The following SPATA1 variants were observed in gnomAD, a reference collection of about 807,000 sequenced individuals.
SPATA1 encodes the protein spermatogenesis-associated protein 1.
SPATA1 carries 57 observed loss-of-function variants against 59.6 expected under a neutral mutation model. The observed-to-expected ratio is 0.96, with a 90% confidence interval of 0.77 to 1.19. The LOEUF is 1.19. SPATA1 is among the 50% of genes most tolerant of loss of function. The pLI is 0.00. For missense variants in SPATA1, 448 were observed against 480.7 expected, an observed-to-expected ratio of 0.93 and a Z score of 0.64; for synonymous variants, 147 against 163.9, an observed-to-expected ratio of 0.90 and a Z score of 0.79.
intron 1 of SPATA1, among the ~76,000 whole-genome samples, chr1:84,511,999 A>G (rs1036077021): frequency 6.6e-6 from 1 of 152,094 alleles, no homozygotes; most frequent in African/African-American, 2.4e-5. Flanking sequence ...AGGCATTTTA[A>G]TCTGTTTACC....
chr1:84,558,414 C>G (rs553396759), downstream of SPATA1, among the ~76,000 whole-genome samples: 27 of 150,400 alleles, frequency 1.8e-4, no homozygotes, highest in Admixed American at 1.4e-3. Flanking sequence ...CTCAGCCTCC[C>G]AAGTAGCTGG....
exon 1 of SPATA1, chr1:84,506,418 G>A (rs1682243591): frequency 5.1e-6 from 1 of 197,498 alleles, no homozygotes; most frequent in South Asian, 1.1e-4. Flanking sequence ...ATTAGGGAGA[G>A]GTAAGGAGAG....
intron 1 of SPATA1, among the ~76,000 whole-genome samples, chr1:84,511,383 T>A (rs1682537771): frequency 6.6e-6 from 1 of 152,102 alleles, no homozygotes; most frequent in Non-Finnish European, 1.5e-5. Context: ...TGGGAGACCC[T>A]CCCCCTCCCT....
intron 2 of SPATA1, among the ~76,000 whole-genome samples, chr1:84,518,162 A>G (rs1682873206): frequency 6.6e-6 from 1 of 152,164 alleles, no homozygotes; most frequent in Non-Finnish European, 1.5e-5. Flanking sequence ...ATGCCATGTT[A>G]AAAATAAAAA....
intron 12 of SPATA1, chr1:84,551,474 C>T (rs1188632396): frequency 1.1e-5 from 2 of 186,438 alleles, no homozygotes; most frequent in Non-Finnish European, 2.0e-5. Flanking sequence ...TTGGTACCCA[C>T]TAGCCACCTA....
intron 1 of SPATA1, among the ~76,000 whole-genome samples, chr1:84,514,372 G>T (rs1682706102): frequency 6.6e-6 from 1 of 152,132 alleles, no homozygotes; most frequent in Admixed American, 6.5e-5. Context: ...ACTATAGGTT[G>T]AGTATTCCTT....
At chr1:84,536,469 A>C (rs1683686152) in intron 8 of SPATA1, among the ~76,000 whole-genome samples, 1 of 152,222 alleles carries the variant, frequency 6.6e-6, no homozygotes, top group African/African-American at 2.4e-5. Context: ...TTTGAGACGG[A>C]GTCTCGCTCT....
chr1:84,559,954 G>A (rs1356489226), intron 4 of SPATA1, among the ~76,000 whole-genome samples: 11 of 151,360 alleles, frequency 7.3e-5, no homozygotes, highest in African/African-American at 1.7e-4. Context: ...GCATAGTGGC[G>A]GGCACCTGTA....
Position 84,514,737 on chromosome 1 carries a change from G to A in SPATA1, c.-137-1486G>A, listed in dbSNP as rs576050839. 5.9e-5 allele frequency among the ~76,000 whole-genome samples: 9 copies of A among 152,258 alleles called. No homozygotes were observed. In the South Asian group the frequency reaches 1.0e-3, roughly 18 times the overall value. On this transcript the variant is annotated intron_variant, in intron 1 of 12. Coordinates refer to ENST00000490879, the Ensembl canonical transcript of SPATA1. ...TGTAATCCCAGCACTTTGGGAGGCC[G>A]AGACGGGCGAATCACTTGAGGTCAG... is the stretch of plus-strand genomic sequence containing the variant.
At chr1:84,507,063 G>A (rs1327411687) in intron 1 of SPATA1, 1 of 152,112 alleles carries the variant, frequency 6.6e-6, no homozygotes, top group Non-Finnish European at 1.5e-5. Context: ...AGTACCAAAG[G>A]AGTTTTTAGG....
chr1:84,563,704 TA>T, intron 4 of SPATA1: 1 of 1,333,952 alleles, frequency 7.5e-7, no homozygotes, highest in Non-Finnish European at 1.0e-6. Flanking sequence ...TAATAGATAA[TA>T]AAAATTATGT....
chr1:84,533,792 A>G (rs1439605126), intron 8 of SPATA1, 26 bp downstream of exon 8: 1 of 1,402,062 alleles, frequency 7.1e-7, no homozygotes, highest in Non-Finnish European at 9.8e-7. Flanking sequence ...TTTTGTTTAA[A>G]CATGGTATTG....
intron 2 of SPATA1, among the ~76,000 whole-genome samples, chr1:84,518,221 G>C (rs561732719): frequency 1.6e-4 from 24 of 152,122 alleles, no homozygotes; most frequent in African/African-American, 2.4e-4. Context: ...TTTAAAAAAC[G>C]TAACAACCAA....
intron 11 of SPATA1, chr1:84,549,611 T>G (rs1684210650): frequency 6.6e-6 from 1 of 152,058 alleles, no homozygotes; most frequent in African/African-American, 2.4e-5. Flanking sequence ...CAGCCTTGAA[T>G]CAGAGACATG....
intron 1 of SPATA1, among the ~76,000 whole-genome samples, chr1:84,511,184 T>C (rs143112177): frequency 0.011 from 1,688 of 152,342 alleles, 11 homozygotes; most frequent in Non-Finnish European, 0.017. Context: ...CAATAAATGC[T>C]TGAGGTCATG....
intron 6 of SPATA1, among the ~76,000 whole-genome samples, chr1:84,530,038 A>G (rs1683407152): frequency 6.6e-6 from 1 of 151,850 alleles, no homozygotes; most frequent in Non-Finnish European, 1.5e-5. Context: ...TTTGTGTTTT[A>G]GTAGAGACGG....
At position 84,553,088 on chromosome 1, in the gene SPATA1, GAA is replaced by G. The variant is rs759280571; in HGVS notation, c.1287_1288del (p.Lys429AsnfsTer14). 5.7e-6 allele frequency: 8 copies of G among 1,397,402 alleles called. No homozygotes were observed. Among genetic ancestry groups the G allele is most frequent in the Admixed American group, 5.2e-5 (2 of 38,782 alleles). The allele number at this position is 1,397,402 out of a possible 1,614,324, so 86.6% of individuals were successfully genotyped here. On this transcript the variant is annotated frameshift_variant, in exon 13 of 13. Coordinates refer to ENST00000490879, the Ensembl canonical transcript of SPATA1. LOFTEE classifies it low-confidence loss of function (END_TRUNC). ...GAACATTGAAAACTGAACTGGCACA[GAA>G]AAAAAAAATAATACATCTCTACAAT...
At chr1:84,547,004 G>A (rs1312103971) in intron 10 of SPATA1, among the ~76,000 whole-genome samples, 1 of 152,146 alleles carries the variant, frequency 6.6e-6, no homozygotes, top group Non-Finnish European at 1.5e-5. Context: ...AGGATAAAAG[G>A]TATCTATGGA....
chr1:84,512,724 C>T (rs924118500), intron 1 of SPATA1, among the ~76,000 whole-genome samples: 2 of 152,346 alleles, frequency 1.3e-5, no homozygotes, highest in Non-Finnish European at 2.9e-5. Context: ...TACTCCTTCT[C>T]AAACCCATAG....
Sources: gnomAD v4.1 joint callset for allele counts (sites outside exome capture counted in the v4.1 genomes callset) on GRCh38, gnomAD v4.1.1 for gene constraint, MANE v1.5 for transcripts, NCBI Gene and HGNC (gene_info 2026-07-23, HGNC 2026-07-21) for gene names.